The following MACROD2 variants were observed in gnomAD, a reference collection of about 807,000 sequenced individuals.
The protein encoded by MACROD2 is mono-ADP ribosylhydrolase 2.
MACROD2 carries 36 observed loss-of-function variants against 70.4 expected under a neutral mutation model. The observed-to-expected ratio is 0.51, with a 90% CI of 0.39 to 0.68. MACROD2 has a LOEUF of 0.68. Among genes scored for constraint, MACROD2 ranks in the 30% least tolerant of loss-of-function variants. The pLI, the probability that MACROD2 is intolerant of heterozygous loss-of-function variation, is 0.00. For synonymous variants in MACROD2, 172 were observed against 178.8 expected (o/e 0.96, Z 0.30); for missense variants, 496 against 538.4 (o/e 0.92, Z 0.78).
At chr20:14,030,887 G>A (rs2148631660) in intron 2 of MACROD2, among the ~76,000 whole-genome samples, 1 of 152,116 alleles carries the variant, frequency 6.6e-6, no homozygotes, top group East Asian at 1.9e-4. Flanking sequence ...GTATACTTTT[G>A]GGGAGCAAAT....
chr20:15,643,310 C>G (rs576505009), intron 8 of MACROD2, among the ~76,000 whole-genome samples: 7 of 152,332 alleles, frequency 4.6e-5, no homozygotes, highest in African/African-American at 1.7e-4. Context: ...CCAACTTACC[C>G]TCTTCGTCAC....
At chr20:15,577,477 T>C (rs1165086215) in intron 8 of MACROD2, among the ~76,000 whole-genome samples, 1 of 152,192 alleles carries the variant, frequency 6.6e-6, no homozygotes, top group Non-Finnish European at 1.5e-5. Flanking sequence ...ATAACTCCTG[T>C]TTATCGTTAA....
chr20:15,946,051 C>T (rs977320686), intron 12 of MACROD2, among the ~76,000 whole-genome samples: 7 of 152,156 alleles, frequency 4.6e-5, no homozygotes, highest in African/African-American at 1.7e-4. Flanking sequence ...AACCTAGGAA[C>T]TACAATGAAA....
chr20:14,789,139 A>G (rs1348547489), intron 5 of MACROD2, among the ~76,000 whole-genome samples: 5 of 151,992 alleles, frequency 3.3e-5, no homozygotes, highest in African/African-American at 4.8e-5. Context: ...TTAGACTTTT[A>G]TATATACTAT....
At chr20:15,640,331 A>T (rs186533103) in intron 8 of MACROD2, among the ~76,000 whole-genome samples, 13 of 152,230 alleles carry the variant, frequency 8.5e-5, no homozygotes, top group Admixed American at 8.5e-4. Context: ...CGAGAGAGAG[A>T]GAGATGGTGA....
intron 7 of MACROD2, among the ~76,000 whole-genome samples, chr20:15,469,279 G>T (rs1207285565): frequency 6.6e-6 from 1 of 152,182 alleles, no homozygotes; most frequent in Non-Finnish European, 1.5e-5. Context: ...GAAAGGAGGT[G>T]GGAAATGGGG....
intron 5 of MACROD2, among the ~76,000 whole-genome samples, chr20:15,030,416 T>G (rs189106970): frequency 6.6e-6 from 1 of 152,188 alleles, no homozygotes; most frequent in Admixed American, 6.5e-5. Flanking sequence ...CTTTTGGGAG[T>G]TGGAGAATAA....
intron 5 of MACROD2, among the ~76,000 whole-genome samples, chr20:15,101,893 A>T (rs1199239889): frequency 6.6e-6 from 1 of 151,990 alleles, no homozygotes; most frequent in Non-Finnish European, 1.5e-5. Flanking sequence ...TCATTTATTT[A>T]TTCGCTTTCT....
At chr20:15,880,461 G>C (rs1305764427) in intron 9 of MACROD2, among the ~76,000 whole-genome samples, 2 of 151,736 alleles carry the variant, frequency 1.3e-5, no homozygotes, top group African/African-American at 2.4e-5. Context: ...GGTGTGGCAG[G>C]GAGATGATCC....
intron 6 of MACROD2, among the ~76,000 whole-genome samples, chr20:15,243,860 A>G (rs939506532): frequency 5.3e-5 from 8 of 151,702 alleles, no homozygotes; most frequent in Non-Finnish European, 1.0e-4. Context: ...TGGGAGATGG[A>G]GCTTGCAGTG....
intron 6 of MACROD2, among the ~76,000 whole-genome samples, chr20:15,412,549 A>G (rs368677759): frequency 4.6e-5 from 7 of 152,324 alleles, no homozygotes; most frequent in East Asian, 1.9e-4. Context: ...TAAACCATCA[A>G]TTTCCCAAAG....
chr20:14,732,176 G>A (rs1324165337), intron 5 of MACROD2, among the ~76,000 whole-genome samples: 1 of 152,144 alleles, frequency 6.6e-6, no homozygotes, highest in Non-Finnish European at 1.5e-5. Context: ...AAGGTATAGA[G>A]TTCTTAGGTA....
intron 5 of MACROD2, among the ~76,000 whole-genome samples, chr20:14,992,331 G>A (rs1359460731): frequency 6.6e-6 from 1 of 152,164 alleles, no homozygotes; most frequent in Non-Finnish European, 1.5e-5. Flanking sequence ...TGTAGGTGTT[G>A]TAACACATCT....
chr20:15,774,039 A>G (rs6131703), intron 8 of MACROD2, among the ~76,000 whole-genome samples: 63,729 of 151,868 alleles, frequency 0.42, 13,814 homozygotes, highest in African/African-American at 0.52. Context: ...TGGAAAGGAA[A>G]ATATTTTCTC....
At chr20:14,591,007 T>G (rs1355714402) in intron 4 of MACROD2, among the ~76,000 whole-genome samples, 11 of 152,162 alleles carry the variant, frequency 7.2e-5, no homozygotes, top group African/African-American at 2.7e-4. Context: ...AATAGATACA[T>G]TTTGATGTTA....
chr20:14,849,830 C>T, intron 5 of MACROD2: 1 of 370,892 alleles, frequency 2.7e-6, no homozygotes, highest in South Asian at 2.1e-5. Flanking sequence ...AGAGCAAGAG[C>T]AGACTGTAGC....
At chr20:14,066,645 T>C (rs2053761237) in intron 2 of MACROD2, among the ~76,000 whole-genome samples, 2 of 152,172 alleles carry the variant, frequency 1.3e-5, no homozygotes, top group African/African-American at 4.8e-5. Context: ...TTACTACATG[T>C]GACTCACTGT....
chr20:14,899,484 T>C (rs2073870366), intron 5 of MACROD2, among the ~76,000 whole-genome samples: 1 of 152,170 alleles, frequency 6.6e-6, no homozygotes, highest in African/African-American at 2.4e-5. Context: ...TGGCATTGCT[T>C]GGTTTGTAGA....
rs148521720 is a variant in MACROD2 at position 16,043,112 on chromosome 20, G to A, written c.1232-1459G>A. ...ACTTGTGTTTGGCAGGCTCAAAGGCGGGCAGGGGATGGGAAACCCCCCTTT... is the reference window on the plus strand; with the variant it reads ...ACTTGTGTTTGGCAGGCTCAAAGGCAGGCAGGGGATGGGAAACCCCCCTTT... On this transcript the variant is annotated intron_variant, in intron 16 of 17. Transcript: ENST00000684519. Among the ~76,000 whole-genome samples the A allele has an allele frequency of 9.5e-4, 144 of 152,144 alleles. 1 individual carries two copies. Among genetic ancestry groups the A allele is most frequent in the Admixed American group, 2.5e-3 (38 of 15,278 alleles).
Sources: gnomAD v4.1 joint callset for allele counts (sites outside exome capture counted in the v4.1 genomes callset) on GRCh38, gnomAD v4.1.1 for gene constraint, MANE v1.5 for transcripts, NCBI Gene and HGNC (gene_info 2026-07-23, HGNC 2026-07-21) for gene names.